The following CSTPP1 variants were observed in gnomAD, a reference collection of about 807,000 sequenced individuals.
CSTPP1 encodes the protein UPF0705 protein C11orf49.
chr11:47,004,838 G>C, the CSTPP1 span, among the ~76,000 whole-genome samples: 1 of 152,168 alleles, frequency 6.6e-6, no homozygotes, highest in African/African-American at 2.4e-5. Flanking sequence ...TGCTCCTCAT[G>C]CTGGCAGCCT....
the CSTPP1 span, among the ~76,000 whole-genome samples, chr11:47,095,048 A>G: frequency 3.3e-5 from 5 of 152,334 alleles, no homozygotes; most frequent in Non-Finnish European, 5.9e-5. Flanking sequence ...TTTTCAGCTC[A>G]TCACTCTAGT....
the CSTPP1 span, among the ~76,000 whole-genome samples, chr11:47,152,517 G>T: frequency 3.9e-5 from 6 of 152,102 alleles, no homozygotes; most frequent in African/African-American, 1.4e-4. Flanking sequence ...TAAGGCTTCC[G>T]CGAGGCTGCG....
At chr11:47,100,769 G>A in the CSTPP1 span, among the ~76,000 whole-genome samples, 8 of 152,302 alleles carry the variant, frequency 5.3e-5, no homozygotes, top group South Asian at 6.2e-4. Flanking sequence ...CAGCATGGGC[G>A]ACAGAGGGAG....
At chr11:47,130,234 C>T in the CSTPP1 span, among the ~76,000 whole-genome samples, 22 of 148,664 alleles carry the variant, frequency 1.5e-4, no homozygotes, top group East Asian at 2.0e-3. Context: ...TTCAGCCTGG[C>T]GACAGAGCAA....
chr11:46,957,899 G>A, the CSTPP1 span, among the ~76,000 whole-genome samples: 2 of 152,060 alleles, frequency 1.3e-5, no homozygotes, highest in East Asian at 3.8e-4. Context: ...CAGAAAAACT[G>A]AACTAATAGG....
At chr11:46,954,573 A>G in the CSTPP1 span, among the ~76,000 whole-genome samples, 1 of 152,016 alleles carries the variant, frequency 6.6e-6, no homozygotes, top group African/African-American at 2.4e-5. Context: ...ATAAATAAAA[A>G]ATAAAATAAA....
the CSTPP1 span, chr11:47,137,341 C>T: frequency 7.1e-7 from 1 of 1,412,724 alleles, no homozygotes; most frequent in Non-Finnish European, 9.3e-7. Flanking sequence ...GAAAACCAAA[C>T]TAAAGAAGAC....
chr11:47,163,950 A>G, the CSTPP1 span: 1 of 983,160 alleles, frequency 1.0e-6, no homozygotes, highest in Non-Finnish European at 1.5e-6. Flanking sequence ...CCGGCGTTAA[A>G]TATTTCTTAA....
chr11:46,968,025 G>T, the CSTPP1 span, among the ~76,000 whole-genome samples: 1 of 151,760 alleles, frequency 6.6e-6, no homozygotes, highest in Admixed American at 6.6e-5. Flanking sequence ...AAGCAGATTG[G>T]TTGTTTTGAA....
At chr11:47,158,090 G>A in the CSTPP1 span, 1 of 620,374 alleles carries the variant, frequency 1.6e-6, no homozygotes, top group Non-Finnish European at 2.8e-6. Flanking sequence ...ACAAAACATG[G>A]CTCTTACACA....
At chr11:46,939,582 G>T in the CSTPP1 span, among the ~76,000 whole-genome samples, 1 of 151,850 alleles carries the variant, frequency 6.6e-6, no homozygotes, top group Non-Finnish European at 1.5e-5. Context: ...TTGAGGTCAG[G>T]AGTTCAAGAC....
chr11:47,112,132 C>T, the CSTPP1 span, among the ~76,000 whole-genome samples: 1 of 152,134 alleles, frequency 6.6e-6, no homozygotes, highest in African/African-American at 2.4e-5. Flanking sequence ...ACTCCTTAAC[C>T]CCTTCAAATC....
At chr11:47,034,170 A>C in the CSTPP1 span, among the ~76,000 whole-genome samples, 1 of 152,128 alleles carries the variant, frequency 6.6e-6, no homozygotes, top group Non-Finnish European at 1.5e-5. Flanking sequence ...GTACATCCTG[A>C]CTTCAGGAAG....
chr11:47,041,188 G>A, the CSTPP1 span: 11 of 205,734 alleles, frequency 5.3e-5, 3 homozygotes, highest in Admixed American at 6.7e-4. Context: ...CTTGTGTCAG[G>A]CCTCACATAT....
the CSTPP1 span, among the ~76,000 whole-genome samples, chr11:46,978,150 A>G: frequency 4.9e-3 from 745 of 152,346 alleles, 5 homozygotes; most frequent in Non-Finnish European, 6.1e-3. Flanking sequence ...TGTTAAAGGA[A>G]ATAAAAGATA....
the CSTPP1 span, chr11:47,159,520 A>C: frequency 4.1e-5 from 17 of 416,294 alleles, no homozygotes; most frequent in South Asian, 2.3e-4. Flanking sequence ...AAAAGAAAAA[A>C]AAAACAAAAA....
the CSTPP1 span, among the ~76,000 whole-genome samples, chr11:47,083,327 A>G: frequency 9.2e-5 from 14 of 152,298 alleles, no homozygotes; most frequent in Admixed American, 2.0e-4. Context: ...GTATGATTAT[A>G]CCACATTTTG....
the CSTPP1 span, among the ~76,000 whole-genome samples, chr11:46,988,133 C>G: frequency 6.6e-6 from 1 of 152,136 alleles, no homozygotes. Context: ...TTAGTATAAC[C>G]ACTGTGGAGA....
the CSTPP1 span, among the ~76,000 whole-genome samples, chr11:47,148,522 C>A: frequency 6.6e-6 from 1 of 152,180 alleles, no homozygotes; most frequent in Non-Finnish European, 1.5e-5. Context: ...TTCTTTCTGG[C>A]CGTGGCTGAG....
Sources: gnomAD v4.1 joint callset for allele counts (sites outside exome capture counted in the v4.1 genomes callset) on GRCh38, gnomAD v4.1.1 for gene constraint, MANE v1.5 for transcripts, NCBI Gene and HGNC (gene_info 2026-07-23, HGNC 2026-07-21) for gene names.